Variants in PCNT observed in about 807,000 individuals in gnomAD.
PCNT encodes the protein pericentrin.
In PCNT, 319 loss-of-function variants were observed where a neutral mutation model predicts 380.4. The ratio of observed to expected loss-of-function variants is 0.84; its 90% confidence interval spans 0.77 to 0.92. The LOEUF (loss-of-function observed/expected upper bound fraction) is 0.92. Among genes scored for constraint, PCNT ranks in the 40% least tolerant of loss-of-function variants. PCNT has a pLI of 0.00. For synonymous variants in PCNT, 1,845 were observed against 1,735.2 expected (o/e 1.06, Z -1.57); for missense variants, 4,400 against 4,255.3 (o/e 1.03, Z -0.95).
Position 46,416,733 on chromosome 21 carries a change from AGGGGCC to A in PCNT, c.6821_6826del (p.Pro2274_Gly2275del). ...GCGGACACCTCGCTGCCACAGACCC[AGGGGCC>A]GGGGCTGCTTTGTTCCCCAGGCGTG... On this transcript the variant is annotated inframe_deletion, in exon 30 of 47. Transcript: ENST00000359568. 1 of 1,592,380 alleles carries A rather than the reference AGGGGCC, an allele frequency of 6.3e-7. No individual in the cohort carries two copies. The highest frequency in any genetic ancestry group is 8.6e-7 in the Non-Finnish European group (1 of 1,167,390).
In PCNT at chr21:46,425,778, G is replaced by T; in HGVS notation, c.7180-53G>T. 1 of 1,606,962 alleles carries T rather than the reference G, an allele frequency of 6.2e-7. No individual in the cohort carries two copies. ...CTCGGGGCCGCAGGTGGTGTAGAGC[G>T]TGGCTGTGTGGGGTGGCAGGCAACT... On this transcript the variant is annotated intron_variant, in intron 32 of 46. Transcript: ENST00000359568. The surrounding 1 kb of genome is among the most constrained non-coding windows in gnomAD (Gnocchi z 4.2).
At chr21:46,363,956 C>T in intron 14 of PCNT, 22 bp downstream of exon 14, 1 of 1,595,040 alleles carries the variant, frequency 6.3e-7, no homozygotes, top group Non-Finnish European at 8.5e-7. Flanking sequence ...GTGACGCCAT[C>T]TGCAGTCCCT....
At chr21:46,344,189 T>C (rs1252763611) in intron 3 of PCNT, among the ~76,000 whole-genome samples, 1 of 151,974 alleles carries the variant, frequency 6.6e-6, no homozygotes, top group African/African-American at 2.4e-5. Context: ...TTCTCCTGCC[T>C]CAGCCTCCCG....
chr21:46,356,225 G>T (rs1052904806), intron 12 of PCNT, among the ~76,000 whole-genome samples: 6 of 152,230 alleles, frequency 3.9e-5, no homozygotes, highest in Admixed American at 6.5e-5. Context: ...CATGGTGGGG[G>T]TGAGGGGCTG....
chr21:46,367,963 A>C (rs1250533602), intron 15 of PCNT, among the ~76,000 whole-genome samples: 1 of 152,122 alleles, frequency 6.6e-6, no homozygotes, highest in Non-Finnish European at 1.5e-5. Context: ...ACTTGAGCCC[A>C]GGAGTTTGAA....
chr21:46,379,955 C>T (rs900518847), intron 15 of PCNT, among the ~76,000 whole-genome samples: 11 of 152,136 alleles, frequency 7.2e-5, no homozygotes, highest in African/African-American at 2.4e-4. Context: ...CAGCCCTGCA[C>T]GTGTTCACAC....
Position 46,363,651 on chromosome 21 carries a change from GAA to G in PCNT, c.2329_2330del (p.Lys777GlyfsTer2). On this transcript the variant is annotated frameshift_variant, in exon 14 of 47. Coordinates refer to ENST00000359568, the MANE Select transcript of PCNT (RefSeq NM_006031.6). LOFTEE classifies it high-confidence loss of function. ...KLTLMLLELR[E>X]KAESEKQTII... ...AACATTGATGCTACTTGAACTGAGA[GAA>G]AAGGCTGAATCCGAGAAACAGACCA... is the stretch of plus-strand genomic sequence containing the variant. 1 of 1,614,238 alleles carries G rather than the reference GAA, an allele frequency of 6.2e-7. No individual in the cohort carries two copies. Among genetic ancestry groups the G allele is most frequent in the Non-Finnish European group, 8.5e-7 (1 of 1,180,042 alleles).
At chr21:46,356,406 C>A (rs2084479073) in intron 12 of PCNT, among the ~76,000 whole-genome samples, 1 of 152,266 alleles carries the variant, frequency 6.6e-6, no homozygotes. Flanking sequence ...CCCACAGCCA[C>A]CCCTTGATGC....
At chr21:46,428,321 G>A in intron 34 of PCNT, 74 bp from the exon 35 acceptor site, 2 of 1,380,874 alleles carry the variant, frequency 1.4e-6, no homozygotes, top group Admixed American at 1.9e-5. Flanking sequence ...TGGTTTTGAG[G>A]GCGGGCAGCA....
chr21:46,436,766 G>A lies in PCNT; in HGVS notation c.8997-213G>A, dbSNP rs116074272. 6.9e-3 allele frequency among the ~76,000 whole-genome samples: 1,053 copies of A among 152,082 alleles called. 14 individuals are homozygous for A. Among genetic ancestry groups the A allele is most frequent in the African/African-American group, 0.024 (1,002 of 41,474 alleles). ...TCCCGTGCTCGGTGGCGCGCCTCCC[G>A]GCTGGAGGTTTCTGAGCTCTGCAGA... On this transcript the variant is annotated intron_variant, in intron 39 of 46. Transcript: ENST00000359568.
chr21:46,355,289 G>A (rs797003697), intron 11 of PCNT, among the ~76,000 whole-genome samples, 163 bp from the exon 12 acceptor site: 15 of 152,354 alleles, frequency 9.8e-5, no homozygotes, highest in African/African-American at 1.7e-4. Flanking sequence ...ATGTGAGCAC[G>A]CCAGTGGGCT....
At chr21:46,346,624 A>G (rs2084077443) in intron 4 of PCNT, 119 bp from the exon 5 acceptor site, 4 of 1,270,864 alleles carry the variant, frequency 3.1e-6, no homozygotes, top group Non-Finnish European at 4.4e-6. Context: ...CTTCCACGGG[A>G]TGTCTGCTGT....
At position 46,388,787 on chromosome 21, in the gene PCNT, A is replaced by G. The variant is rs768296539; in HGVS notation, c.3510A>G (p.Gly1170=). 5 of 1,613,518 alleles carry G rather than the reference A, an allele frequency of 3.1e-6. No individual in the cohort carries two copies. The Admixed American group carries it at 6.7e-5, about 22-fold the overall frequency. The change falls in exon 18 of 47, where the codon GGA becomes GGG. Residue 1170 remains glycine, a synonymous_variant. Coordinates refer to ENST00000359568, the MANE Select transcript of PCNT (RefSeq NM_006031.6). The surrounding 1 kb of genome is among the most constrained non-coding windows in gnomAD (Gnocchi z 4.2). ...TGCGCAGGCTGCTGGGTTTGTTTGGAGAGACGCTGAGGGCAGCCGTCACCC... is the reference window on the plus strand; with the variant it reads ...TGCGCAGGCTGCTGGGTTTGTTTGGGGAGACGCTGAGGGCAGCCGTCACCC... ...DALRRLLGLF[G]ETLRAAVTLR...
chr21:46,394,501 T>C (rs1003930207), intron 21 of PCNT: 1 of 984,980 alleles, frequency 1.0e-6, no homozygotes, highest in Non-Finnish European at 1.2e-6. Flanking sequence ...CTCTTGTTCA[T>C]AGGCACAGCT....
rs763795042 is a variant in PCNT, at chr21:46,443,898, T to G, written c.9789T>G (p.Pro3263=). 7.4e-6 allele frequency: 12 copies of G among 1,612,906 alleles called. No homozygotes were observed. The South Asian group carries it at 1.3e-4, about 18-fold the overall frequency. ...RDVPSGHTRD[P]ARGRRLAAAA... is the part of the protein sequence containing the mutation. Reference sequence around the variant, plus strand: ...TACCCTCTGGCCACACCAGGGACCCTGCCAGAGGCCGCAGACTGGCAGCAG... The same window carrying G: ...TACCCTCTGGCCACACCAGGGACCCGGCCAGAGGCCGCAGACTGGCAGCAG... The change falls in exon 45 of 47, where the codon CCT becomes CCG. Residue 3263 remains proline (P), a synonymous_variant. Coordinates refer to ENST00000359568, the MANE Select transcript of PCNT (RefSeq NM_006031.6).
At chr21:46,357,674 C>T (rs1569193218) in intron 13 of PCNT, among the ~76,000 whole-genome samples, 1 of 152,200 alleles carries the variant, frequency 6.6e-6, no homozygotes, top group Non-Finnish European at 1.5e-5. Context: ...AGTGATCTGC[C>T]TGCCTTGGCC....
chr21:46,375,229 C>A (rs1397797484), intron 15 of PCNT, among the ~76,000 whole-genome samples: 1 of 152,126 alleles, frequency 6.6e-6, no homozygotes, highest in Admixed American at 6.6e-5. Flanking sequence ...CGCATGCGGC[C>A]GGTGTGGGAT....
chr21:46,407,108 T>G (rs1376794541), intron 27 of PCNT, among the ~76,000 whole-genome samples: 1 of 152,230 alleles, frequency 6.6e-6, no homozygotes, highest in Non-Finnish European at 1.5e-5. Flanking sequence ...CTTTCTTTTC[T>G]GAAAGAGGTT....
chr21:46,330,548 A>G (rs1419635343), intron 2 of PCNT, among the ~76,000 whole-genome samples: 8 of 152,254 alleles, frequency 5.3e-5, no homozygotes, highest in Admixed American at 3.9e-4. Flanking sequence ...TGTATATAAA[A>G]ACCATTGGTG....
Sources: allele counts gnomAD v4.1 joint callset (sites outside exome capture counted in the v4.1 genomes callset), GRCh38; gene constraint gnomAD v4.1.1; non-coding constraint Gnocchi (gnomAD v3.1); transcripts MANE v1.5; gene names NCBI Gene and HGNC (gene_info 2026-07-23, HGNC 2026-07-21).